Variants in MALT1 observed in about 807,000 individuals in gnomAD.
The protein encoded by MALT1 is MALT1 paracaspase, also known as mucosa-associated lymphoid tissue lymphoma translocation protein 1.
In MALT1, 36 loss-of-function variants were observed where a neutral mutation model predicts 85.5. The observed-to-expected ratio is 0.42, with a 90% CI of 0.32 to 0.56. The LOEUF (loss-of-function observed/expected upper bound fraction) is 0.56. Ranked by LOEUF, MALT1 falls within the 20% of genes least tolerant of loss-of-function variation. The probability of loss-of-function intolerance (pLI) is 0.10; values close to 1 mark genes in which losing one functional copy is unlikely to be tolerated. For missense variants in MALT1, 716 were observed against 981.6 expected, an observed-to-expected ratio of 0.73 and a Z score of 3.62; for synonymous variants, 359 against 361.3, an observed-to-expected ratio of 0.99 and a Z score of 0.07.
intron 4 of MALT1, among the ~76,000 whole-genome samples, chr18:58,705,361 A>G (rs1447343365): frequency 6.6e-6 from 1 of 151,206 alleles, no homozygotes; most frequent in Non-Finnish European, 1.5e-5. Flanking sequence ...TTTAGGGTAC[A>G]TGTGCACATT....
At chr18:58,742,263 T>TATTTTTAAAATAGGTTAAGTTTCC (rs1448303790) in intron 14 of MALT1, among the ~76,000 whole-genome samples, 2 of 152,240 alleles carry the variant, frequency 1.3e-5, no homozygotes, top group Non-Finnish European at 2.9e-5. Flanking sequence ...AAAATTTTTC[T>TATTTTTAAAATAGGTTAAGTTTCC]ATTTTTAAAA....
chr18:58,684,898 C>T (rs924722391), intron 2 of MALT1, among the ~76,000 whole-genome samples: 1 of 152,062 alleles, frequency 6.6e-6, no homozygotes, highest in Non-Finnish European at 1.5e-5. Context: ...TGGTTTGCCT[C>T]GTGTATTCAA....
Position 58,698,067 on chromosome 18 carries a change from G to GTTT in MALT1, c.498+1585_498+1587dup, listed in dbSNP as rs796905674. ...GTTGTTGTTGTTGTTGTTTTGTTTT[G>GTTT]TTTTTTTGTTTTTTTTTTGAGATGG... On this transcript the variant is annotated intron_variant, in intron 3 of 16. Transcript: ENST00000649217. 4.3e-4 allele frequency among the ~76,000 whole-genome samples: 32 copies of GTTT among 74,960 alleles called. 8 individuals carry two copies. The highest frequency in any genetic ancestry group is 7.4e-4 in the Non-Finnish European group (23 of 31,148). 49.2% of individuals were successfully genotyped at this position (74,960 alleles called of 152,430 possible). A position where few individuals can be genotyped will look rare whatever the true frequency, so the allele number is the denominator to read the frequency against.
At chr18:58,708,054 C>G (rs1010638105) in intron 4 of MALT1, among the ~76,000 whole-genome samples, 6 of 152,212 alleles carry the variant, frequency 3.9e-5, no homozygotes, top group Admixed American at 3.3e-4. Flanking sequence ...GGTCTGAGAC[C>G]CCCCTGCCTA....
intron 2 of MALT1, among the ~76,000 whole-genome samples, chr18:58,687,397 A>G (rs1032486723): frequency 1.3e-5 from 2 of 152,332 alleles, no homozygotes; most frequent in African/African-American, 2.4e-5. Context: ...ACAGATTTCA[A>G]TTGACATGTA....
Position 58,671,711 on chromosome 18 carries a change from C to G in MALT1, c.68C>G (p.Ala23Gly). The change falls in exon 1 of 17, where the codon GCC becomes GGC. Residue 23 changes from alanine (A) to glycine (G), a missense_variant. By Grantham distance (60) the Ala-to-Gly change is moderately conservative. This residue lies in a region of MALT1 where 80 missense variants were observed against 65.1 expected (regional missense o/e 1.23). Transcript: ENST00000649217. ...GCCGCCCCCACGGGGCCGCTGCTCG[C>G]CCCTCCGGCCGGCGCGACCCTCAAC... The part of the protein sequence containing the change: ...PSAAPTGPLL[A>G]PPAGATLNRL... 7.8e-7 allele frequency: 1 copy of G among 1,274,432 alleles called. No homozygotes were observed. The highest frequency in any genetic ancestry group is 9.9e-7 in the Non-Finnish European group (1 of 1,010,448). 78.9% of individuals were successfully genotyped at this position (1,274,432 alleles called of 1,614,324 possible). A position where few individuals can be genotyped will look rare whatever the true frequency, so the allele number is the denominator to read the frequency against.
intron 2 of MALT1, among the ~76,000 whole-genome samples, chr18:58,686,850 C>T (rs1265825389): frequency 2.0e-5 from 3 of 152,182 alleles, no homozygotes; most frequent in African/African-American, 7.2e-5. Context: ...AGCGACAGAA[C>T]AGTGCTATTG....
chr18:58,726,563 TAGA>T (rs1483850679), intron 10 of MALT1, among the ~76,000 whole-genome samples: 2 of 152,166 alleles, frequency 1.3e-5, no homozygotes, highest in East Asian at 1.9e-4. Flanking sequence ...CGCAGGTTTG[TAGA>T]AGAAATAAAA....
chr18:58,715,549 A>G (rs1246140619), intron 8 of MALT1, among the ~76,000 whole-genome samples: 1 of 152,148 alleles, frequency 6.6e-6, no homozygotes, highest in East Asian at 1.9e-4. Flanking sequence ...GAGACTCCCT[A>G]AGTTAGTATC....
chr18:58,693,297 C>T (rs1024624922), intron 2 of MALT1, among the ~76,000 whole-genome samples: 11 of 152,132 alleles, frequency 7.2e-5, no homozygotes, highest in Non-Finnish European at 1.3e-4. Flanking sequence ...TGGCACCTGC[C>T]TGTAGTCCCA....
chr18:58,699,476 G>A (rs1032156986), intron 3 of MALT1, among the ~76,000 whole-genome samples: 3 of 152,204 alleles, frequency 2.0e-5, no homozygotes, highest in African/African-American at 7.2e-5. Flanking sequence ...TTGGGGTTTG[G>A]AGAGGGAGGA....
chr18:58,739,689 C>T (rs780771288), intron 13 of MALT1, among the ~76,000 whole-genome samples: 1 of 152,170 alleles, frequency 6.6e-6, no homozygotes, highest in Non-Finnish European at 1.5e-5. Context: ...GCTCAAACTA[C>T]AACTCTCCTC....
chr18:58,702,418 A>G (rs2054686733), intron 4 of MALT1, among the ~76,000 whole-genome samples: 1 of 152,078 alleles, frequency 6.6e-6, no homozygotes, highest in Non-Finnish European at 1.5e-5. Context: ...TGAAACTAAC[A>G]TCATGGAAAA....
chr18:58,748,962 A>G lies in MALT1; in HGVS notation c.*1120A>G, dbSNP rs1428064345. On this transcript the variant is annotated 3_prime_UTR_variant, in exon 17 of 17. Transcript: ENST00000649217. Reference sequence around the variant, plus strand: ...CTGATACTAGACTAGACATCACAAGAAAACTATAAGCCAATATTCCTTATT... The same window carrying G: ...CTGATACTAGACTAGACATCACAAGGAAACTATAAGCCAATATTCCTTATT... 3 of 207,456 alleles carry G rather than the reference A, an allele frequency of 1.4e-5. No homozygotes were observed. The highest frequency in any genetic ancestry group is 1.5e-4 in the East Asian group (2 of 13,620). The allele number at this position is 207,456 out of a possible 1,614,324, so 12.9% of individuals were successfully genotyped here.
chr18:58,719,777 C>G (rs1429985193), intron 9 of MALT1, among the ~76,000 whole-genome samples: 1 of 152,214 alleles, frequency 6.6e-6, no homozygotes, highest in African/African-American at 2.4e-5. Flanking sequence ...CTTCCCTAGT[C>G]CTCTACCTTC....
intron 14 of MALT1, among the ~76,000 whole-genome samples, chr18:58,743,788 T>C (rs1394575245): frequency 6.6e-6 from 1 of 152,220 alleles, no homozygotes; most frequent in Non-Finnish European, 1.5e-5. Flanking sequence ...AGACAAATGT[T>C]TTAAAAATTA....
At chr18:58,678,148 C>A (rs981773195) in intron 1 of MALT1, among the ~76,000 whole-genome samples, 2 of 152,072 alleles carry the variant, frequency 1.3e-5, no homozygotes, top group Admixed American at 1.3e-4. Context: ...TTAATTTGAT[C>A]GTATACATTT....
chr18:58,729,142 T>C (rs1027312771), intron 10 of MALT1, among the ~76,000 whole-genome samples: 3 of 152,224 alleles, frequency 2.0e-5, no homozygotes, highest in African/African-American at 4.8e-5. Flanking sequence ...GAGTATGCTA[T>C]GTGCTGAGAG....
intron 1 of MALT1, among the ~76,000 whole-genome samples, chr18:58,677,344 G>A (rs2054256582): frequency 6.6e-6 from 1 of 152,122 alleles, no homozygotes; most frequent in Non-Finnish European, 1.5e-5. Flanking sequence ...ATTAATTAAA[G>A]CATCACTTGG....
Sources: gnomAD v4.1 joint callset for allele counts (sites outside exome capture counted in the v4.1 genomes callset) on GRCh38, gnomAD v4.1.1 for gene constraint, gnomAD v4.1.1 regional missense constraint, MANE v1.5 for transcripts, NCBI Gene and HGNC (gene_info 2026-07-23, HGNC 2026-07-21) for gene names.